TANC2: variants seen among roughly 807,000 people sequenced by gnomAD.
TANC2 encodes tetratricopeptide repeat, ankyrin repeat and coiled-coil containing 2.
TANC2 carries 26 observed loss-of-function variants against 210.5 expected under a neutral mutation model. The observed-to-expected ratio is 0.12, with a 90% confidence interval of 0.09 to 0.17. The LOEUF (loss-of-function observed/expected upper bound fraction) is 0.17, where lower values mean the gene tolerates loss of function less well. Among genes scored for constraint, TANC2 ranks in the 10% least tolerant of loss-of-function variants. TANC2 has a pLI of 1.00. For missense variants in TANC2, 2,129 were observed against 2,608.9 expected (o/e 0.82, Z 4.01); for synonymous variants, 931 against 967.1 (o/e 0.96, Z 0.69).
chr17:63,214,665 G>C (rs1450425994), intron 7 of TANC2, among the ~76,000 whole-genome samples: 2 of 152,142 alleles, frequency 1.3e-5, no homozygotes, highest in African/African-American at 4.8e-5. Flanking sequence ...GTTTTATACA[G>C]GTACTAATCC....
At chr17:63,104,622 A>G (rs911945026) in intron 4 of TANC2, among the ~76,000 whole-genome samples, 5 of 152,330 alleles carry the variant, frequency 3.3e-5, no homozygotes, top group Non-Finnish European at 5.9e-5. Context: ...ATGAAAATCC[A>G]AATATTTCTC....
chr17:63,019,538 G>T (rs1265878508), intron 2 of TANC2, among the ~76,000 whole-genome samples: 3 of 151,826 alleles, frequency 2.0e-5, no homozygotes, highest in Non-Finnish European at 2.9e-5. Flanking sequence ...TATTTTGATA[G>T]GTATATAGAG....
chr17:63,089,720 C>T (rs754784921), intron 3 of TANC2, among the ~76,000 whole-genome samples: 3 of 152,042 alleles, frequency 2.0e-5, no homozygotes, highest in Non-Finnish European at 4.4e-5. Context: ...TTAGGCCAAA[C>T]CCCATTGTTT....
chr17:63,063,968 T>C (rs940890348), intron 2 of TANC2, among the ~76,000 whole-genome samples: 2 of 152,188 alleles, frequency 1.3e-5, no homozygotes, highest in Non-Finnish European at 2.9e-5. Flanking sequence ...TTAAAGATGC[T>C]GGACATCTAC....
chr17:63,395,503 C>CA (rs139062101), intron 17 of TANC2, among the ~76,000 whole-genome samples: 100 of 149,948 alleles, frequency 6.7e-4, no homozygotes, highest in African/African-American at 2.1e-3. Flanking sequence ...TCTTGGAATG[C>CA]AAAAAAAAAG....
At chr17:62,976,821 C>T (rs1429032151) in intron 1 of TANC2, among the ~76,000 whole-genome samples, 1 of 152,220 alleles carries the variant, frequency 6.6e-6, no homozygotes, top group African/African-American at 2.4e-5. Flanking sequence ...GCTTGTTCCT[C>T]TTCCTTATTT....
chr17:63,055,965 C>CAAAAAAAAAAAA (rs869063496), intron 2 of TANC2, among the ~76,000 whole-genome samples: 1 of 52,614 alleles, frequency 1.9e-5, no homozygotes, highest in Admixed American at 2.8e-4. Flanking sequence ...TCATCTCTAC[C>CAAAAAAAAAAAA]AAAAAAAAAA....
chr17:63,116,725 G>A (rs1444327097), intron 4 of TANC2, among the ~76,000 whole-genome samples: 1 of 152,098 alleles, frequency 6.6e-6, no homozygotes, highest in Non-Finnish European at 1.5e-5. Flanking sequence ...TGAATGAAAG[G>A]CATTTAATTA....
At chr17:63,285,168 T>C (rs1197154057) in intron 9 of TANC2, among the ~76,000 whole-genome samples, 1 of 152,192 alleles carries the variant, frequency 6.6e-6, no homozygotes, top group Non-Finnish European at 1.5e-5. Context: ...GGGTCTTGCT[T>C]TTTTATCCAA....
intron 1 of TANC2, among the ~76,000 whole-genome samples, chr17:62,991,873 C>T (rs913274240): frequency 8.5e-5 from 13 of 152,174 alleles, no homozygotes; most frequent in Admixed American, 7.8e-4. Context: ...GAAAGCACTT[C>T]TTAATGTCTG....
At chr17:63,013,839 G>A (rs2033987319) in intron 2 of TANC2, among the ~76,000 whole-genome samples, 1 of 147,882 alleles carries the variant, frequency 6.8e-6, no homozygotes, top group Non-Finnish European at 1.5e-5. Context: ...TCTTGACTCT[G>A]CGGCATGATG....
chr17:62,979,459 A>G lies in TANC2; in HGVS notation c.-24+12710A>G, dbSNP rs921419215. Among the ~76,000 whole-genome samples the G allele has an allele frequency of 4.6e-5, 7 of 152,260 alleles. No homozygotes were observed. In the South Asian group the frequency reaches 6.2e-4, roughly 14 times the overall value. On this transcript the variant is annotated intron_variant, in intron 1 of 27. Transcript: ENST00000689528. ...TTCTACTCCTATTCTCTCATTTCTT[A>G]TACTAGCAACTTCGTATGAGATTAA...
chr17:63,015,046 T>TA (rs1378358703), intron 2 of TANC2, among the ~76,000 whole-genome samples: 3 of 152,102 alleles, frequency 2.0e-5, no homozygotes, highest in African/African-American at 7.2e-5. Flanking sequence ...CCTTAACCCT[T>TA]AATGAATAAT....
At chr17:63,187,590 TAC>T (rs1468354754) in intron 5 of TANC2, among the ~76,000 whole-genome samples, 1 of 152,140 alleles carries the variant, frequency 6.6e-6, no homozygotes, top group East Asian at 1.9e-4. Context: ...TTTGTGTATA[TAC>T]AGACACATAC....
Position 63,260,701 on chromosome 17 carries a change from G to A in TANC2, c.1034-7047G>A, listed in dbSNP as rs35631804. On this transcript the variant is annotated intron_variant, in intron 8 of 27. Transcript: ENST00000689528. Reference sequence around the variant, plus strand: ...CGCTTGAACCTGGGAAGCAGAGGTTGCAGTGAGCCAAAATCACACCACTGC... The same window carrying A: ...CGCTTGAACCTGGGAAGCAGAGGTTACAGTGAGCCAAAATCACACCACTGC... Among the ~76,000 whole-genome samples the A allele has an allele frequency of 4.0e-3, 604 of 151,800 alleles. 29 individuals carry two copies. In the East Asian group the frequency reaches 0.1, roughly 25 times the overall value.
chr17:63,109,850 A>G (rs1468209963), intron 4 of TANC2, among the ~76,000 whole-genome samples: 3 of 151,638 alleles, frequency 2.0e-5, no homozygotes, highest in Admixed American at 1.3e-4. Flanking sequence ...TATTGCTCCT[A>G]CCCATTAGTC....
intron 1 of TANC2, among the ~76,000 whole-genome samples, chr17:62,977,494 TCTC>T (rs1019794879): frequency 2.6e-5 from 4 of 152,158 alleles, no homozygotes; most frequent in African/African-American, 9.7e-5. Context: ...TAATGAGTCT[TCTC>T]CTTGCTTTAG....
At chr17:63,004,435 A>G (rs2143758365) in intron 1 of TANC2, among the ~76,000 whole-genome samples, 1 of 152,304 alleles carries the variant, frequency 6.6e-6, no homozygotes, top group South Asian at 2.1e-4. Flanking sequence ...AAGTCAGGAA[A>G]TCCTTCTTCC....
intron 7 of TANC2, among the ~76,000 whole-genome samples, chr17:63,205,172 C>G (rs943879986): frequency 6.6e-6 from 1 of 151,732 alleles, no homozygotes; most frequent in Admixed American, 6.6e-5. Context: ...GTCCTAAGAC[C>G]ATGTGGCATG....
Sources: gnomAD v4.1 joint callset for allele counts (sites outside exome capture counted in the v4.1 genomes callset) on GRCh38, gnomAD v4.1.1 for gene constraint, MANE v1.5 for transcripts, NCBI Gene and HGNC (gene_info 2026-07-23, HGNC 2026-07-21) for gene names.